The following VEGFC variants were observed in gnomAD, a reference collection of about 807,000 sequenced individuals.
VEGFC encodes vascular endothelial growth factor C.
VEGFC carries 12 observed loss-of-function variants against 46.1 expected under a neutral mutation model. The observed-to-expected ratio is 0.26, with a 90% confidence interval of 0.17 to 0.42. The LOEUF (loss-of-function observed/expected upper bound fraction) is 0.42, where lower values mean the gene tolerates loss of function less well. Ranked by LOEUF, VEGFC falls within the 10% of genes least tolerant of loss-of-function variation. The probability of loss-of-function intolerance (pLI) is 1.00; values close to 1 mark genes in which losing one functional copy is unlikely to be tolerated. For missense variants in VEGFC, 488 were observed against 529.4 expected, an observed-to-expected ratio of 0.92 and a Z score of 0.77; for synonymous variants, 232 against 195.5, an observed-to-expected ratio of 1.19 and a Z score of -1.56.
chr4:176,783,794 T>C (rs1166975243), intron 1 of VEGFC, among the ~76,000 whole-genome samples: 2 of 152,200 alleles, frequency 1.3e-5, no homozygotes, highest in African/African-American at 2.4e-5. Context: ...TTCCTTCACC[T>C]GTTTCAAAAT....
At chr4:176,689,935 G>C (rs1321610684) in intron 4 of VEGFC, among the ~76,000 whole-genome samples, 1 of 152,094 alleles carries the variant, frequency 6.6e-6, no homozygotes, top group African/African-American at 2.4e-5. Flanking sequence ...TTATTTTGTA[G>C]GAAATAGCTA....
intron 1 of VEGFC, among the ~76,000 whole-genome samples, chr4:176,778,732 C>T (rs1389801878): frequency 4.6e-5 from 7 of 152,042 alleles, no homozygotes; most frequent in African/African-American, 1.2e-4. Flanking sequence ...AAACATGGCC[C>T]GGCGTCAACC....
chr4:176,730,411 C>CA (rs1462663214), intron 1 of VEGFC, among the ~76,000 whole-genome samples: 1 of 152,036 alleles, frequency 6.6e-6, no homozygotes, highest in Non-Finnish European at 1.5e-5. Flanking sequence ...TTAAGTAGAA[C>CA]ATTCCAAATT....
intron 1 of VEGFC, among the ~76,000 whole-genome samples, chr4:176,764,732 T>C (rs999285980): frequency 6.6e-6 from 1 of 152,056 alleles, no homozygotes; most frequent in African/African-American, 2.4e-5. Context: ...GGAACTGGAG[T>C]GATCTGTCTG....
intron 1 of VEGFC, among the ~76,000 whole-genome samples, chr4:176,746,603 A>G (rs111477787): frequency 0.02 from 2,968 of 152,152 alleles, 85 homozygotes; most frequent in African/African-American, 0.067. Flanking sequence ...TATTTTATTG[A>G]TGTGTCTTCT....
chr4:176,687,865 C>G lies in VEGFC; in HGVS notation c.767G>C (p.Cys256Ser), dbSNP rs761121691. 1 of 1,613,820 alleles carries G rather than the reference C, an allele frequency of 6.2e-7. No homozygotes were observed. The highest frequency in any genetic ancestry group is 8.5e-7 in the Non-Finnish European group (1 of 1,179,904). ...AAACATAAAATCTTCCTGAGCCAGG[C>G]ATCTGCAGATGTGATTATTCCACAT... The part of the protein sequence containing the change: ...NYMWNNHICR[C>S]LAQEDFMFSS... Residue 256 changes from cysteine (C) to serine (S), a missense_variant, in exon 5 of 7, where the codon TGC becomes TCC. Physicochemically the swap from Cys to Ser is moderately radical, Grantham distance 112. Transcript: ENST00000618562.
chr4:176,711,741 T>G (rs1734623975), intron 3 of VEGFC, 91 bp from the exon 4 acceptor site: 8 of 1,293,704 alleles, frequency 6.2e-6, no homozygotes, highest in Non-Finnish European at 8.7e-6. Flanking sequence ...AGAGTGAGAT[T>G]AGCTCTATAT....
At chr4:176,690,343 G>C (rs62328268) in intron 4 of VEGFC, among the ~76,000 whole-genome samples, 1 of 147,338 alleles carries the variant, frequency 6.8e-6, no homozygotes, top group South Asian at 2.1e-4. Flanking sequence ...TTTTTTTTTG[G>C]CTTTTTGGTT....
At chr4:176,725,048 A>T (rs998067247) in intron 3 of VEGFC, among the ~76,000 whole-genome samples, 4 of 152,130 alleles carry the variant, frequency 2.6e-5, no homozygotes, top group Admixed American at 6.5e-5. Context: ...TATATTTTTT[A>T]AAAAGCTGCA....
chr4:176,791,999 AAAG>A lies in VEGFC; in HGVS notation c.147+163_147+165del, dbSNP rs199881004. ...TCTCTAGTAACAACTTTCTATTTAA[AAAG>A]AAGAAGATTTTTCTCCAAAGCAGCG... On this transcript the variant is annotated intron_variant, in intron 1 of 6. Coordinates refer to ENST00000618562, the MANE Select transcript of VEGFC (RefSeq NM_005429.5). Among the ~76,000 whole-genome samples, 1,324 of 152,218 alleles carry A rather than the reference AAAG, an allele frequency of 8.7e-3. 6 individuals are homozygous for A. Among genetic ancestry groups the A allele is most frequent in the Non-Finnish European group, 0.011 (762 of 68,026 alleles).
chr4:176,788,523 A>G (rs2110957799), intron 1 of VEGFC, among the ~76,000 whole-genome samples: 1 of 152,318 alleles, frequency 6.6e-6, no homozygotes, highest in East Asian at 1.9e-4. Flanking sequence ...TCGATTTACG[A>G]TGGGGCTACA....
Position 176,746,245 on chromosome 4 carries a change from G to A in VEGFC, c.148-16499C>T, listed in dbSNP as rs370500263. ...CTGCTCTCTGCTTATATATATGATT[G>A]GTCCAGGTCCAGGGGTAGAGAAAAT... On this transcript the variant is annotated intron_variant, in intron 1 of 6. Transcript: ENST00000618562. Among the ~76,000 whole-genome samples the A allele has an allele frequency of 2.6e-5, 4 of 152,044 alleles. No individual in the cohort carries two copies. The East Asian group carries it at 7.8e-4, about 29-fold the overall frequency.
At chr4:176,742,554 TA>T (rs1293671761) in intron 1 of VEGFC, among the ~76,000 whole-genome samples, 3 of 152,034 alleles carry the variant, frequency 2.0e-5, no homozygotes, top group African/African-American at 7.2e-5. Flanking sequence ...ACATTCTCAC[TA>T]AAACTGTGTA....
At chr4:176,763,746 T>A (rs1003784873) in intron 1 of VEGFC, among the ~76,000 whole-genome samples, 7 of 152,316 alleles carry the variant, frequency 4.6e-5, no homozygotes, top group African/African-American at 1.7e-4. Flanking sequence ...AAGGTTTCTG[T>A]ATCATTTGAG....
intron 3 of VEGFC, among the ~76,000 whole-genome samples, chr4:176,720,903 A>G (rs546291960): frequency 4.4e-4 from 67 of 151,918 alleles, no homozygotes; most frequent in Non-Finnish European, 7.1e-4. Context: ...TCTGACAGAT[A>G]AGGTAATGAT....
chr4:176,685,552 G>A (rs1734024666), intron 6 of VEGFC, among the ~76,000 whole-genome samples: 1 of 152,018 alleles, frequency 6.6e-6, no homozygotes, highest in Non-Finnish European at 1.5e-5. Context: ...TATTGTCTGT[G>A]TTCATATAAT....
At chr4:176,773,774 C>G (rs753186420) in intron 1 of VEGFC, among the ~76,000 whole-genome samples, 2 of 152,090 alleles carry the variant, frequency 1.3e-5, no homozygotes. Context: ...CCTTGGACTC[C>G]TAGGTTTGAG....
intron 1 of VEGFC, among the ~76,000 whole-genome samples, chr4:176,760,268 T>A (rs565481389): frequency 6.6e-6 from 1 of 152,288 alleles, no homozygotes; most frequent in Admixed American, 6.5e-5. Flanking sequence ...CCTACAAAGA[T>A]CTTAAAGTTC....
intron 2 of VEGFC, among the ~76,000 whole-genome samples, chr4:176,729,000 C>T (rs1024697878): frequency 4.6e-5 from 7 of 152,254 alleles, no homozygotes; most frequent in Non-Finnish European, 7.4e-5. Context: ...TGTGCCCAGT[C>T]ATACCCCACC....
Sources: gnomAD v4.1 joint callset for allele counts (sites outside exome capture counted in the v4.1 genomes callset) on GRCh38, gnomAD v4.1.1 for gene constraint, MANE v1.5 for transcripts, NCBI Gene and HGNC (gene_info 2026-07-23, HGNC 2026-07-21) for gene names.